The following GPM6A variants were observed in gnomAD, a reference collection of about 807,000 sequenced individuals.
GPM6A encodes glycoprotein M6A, also known as neuronal membrane glycoprotein M6-a.
Under a neutral mutation model 32.1 loss-of-function variants are expected in GPM6A, and 7 were observed. That is an observed-to-expected ratio of 0.22 (90% CI 0.12 to 0.41). The LOEUF (loss-of-function observed/expected upper bound fraction) is 0.41, where lower values mean the gene tolerates loss of function less well. Among genes scored for constraint, GPM6A ranks in the 10% least tolerant of loss-of-function variants. GPM6A has a pLI of 1.00. For synonymous variants in GPM6A, 130 were observed against 123.4 expected (o/e 1.05, Z -0.35); for missense variants, 235 against 347.2 (o/e 0.68, Z 2.57).
chr4:175,698,475 C>T (rs1377003711), intron 2 of GPM6A, among the ~76,000 whole-genome samples: 2 of 152,132 alleles, frequency 1.3e-5, no homozygotes, highest in Admixed American at 6.6e-5. Context: ...TCTTCTGTTT[C>T]CTCAGCACTT....
intron 1 of GPM6A, among the ~76,000 whole-genome samples, chr4:175,796,466 T>G (rs1409764869): frequency 6.6e-6 from 1 of 152,112 alleles, no homozygotes; most frequent in Non-Finnish European, 1.5e-5. Flanking sequence ...GATGAGAAAA[T>G]TAAGTCTCTT....
intron 3 of GPM6A, among the ~76,000 whole-genome samples, chr4:175,665,446 T>C (rs1742693763): frequency 1.3e-5 from 2 of 152,156 alleles, no homozygotes; most frequent in Admixed American, 6.5e-5. Context: ...ATTTTTTCAA[T>C]TGAAAACAAA....
At chr4:175,655,517 GT>G (rs1403097449) in intron 3 of GPM6A, among the ~76,000 whole-genome samples, 8 of 151,846 alleles carry the variant, frequency 5.3e-5, no homozygotes, top group Non-Finnish European at 1.2e-4. Context: ...TATATATTTT[GT>G]CATCTGAATG....
chr4:175,878,308 C>T (rs982726376), intron 1 of GPM6A, among the ~76,000 whole-genome samples: 1 of 152,170 alleles, frequency 6.6e-6, no homozygotes, highest in African/African-American at 2.4e-5. Context: ...GACTCCATGT[C>T]GGGGCTCTGA....
At chr4:175,730,362 C>T (rs1286158761) in intron 1 of GPM6A, among the ~76,000 whole-genome samples, 2 of 152,110 alleles carry the variant, frequency 1.3e-5, no homozygotes, top group Non-Finnish European at 2.9e-5. Flanking sequence ...CCTGCCTCAG[C>T]CTCCCGAGTA....
chr4:175,768,674 A>T (rs1733069053), intron 1 of GPM6A, among the ~76,000 whole-genome samples: 1 of 152,160 alleles, frequency 6.6e-6, no homozygotes, highest in Non-Finnish European at 1.5e-5. Context: ...AGTTTTTATT[A>T]TATAATAGGC....
At chr4:175,759,159 T>A (rs1173628638) in intron 1 of GPM6A, among the ~76,000 whole-genome samples, 1 of 152,152 alleles carries the variant, frequency 6.6e-6, no homozygotes, top group African/African-American at 2.4e-5. Context: ...CAAATCTCAC[T>A]GTTAGTGTCT....
chr4:175,644,908 A>G (rs905301370), intron 4 of GPM6A, among the ~76,000 whole-genome samples: 4 of 151,956 alleles, frequency 2.6e-5, no homozygotes, highest in Non-Finnish European at 4.4e-5. Context: ...GGAGTTCAAG[A>G]CCAGCCTGGC....
At chr4:175,713,633 C>T (rs1745673524) in intron 1 of GPM6A, among the ~76,000 whole-genome samples, 1 of 152,110 alleles carries the variant, frequency 6.6e-6, no homozygotes, top group Admixed American at 6.6e-5. Context: ...TCATTAAGAA[C>T]ACAGAGGCAT....
At chr4:175,650,639 T>C (rs188783037) in intron 4 of GPM6A, among the ~76,000 whole-genome samples, 4 of 152,292 alleles carry the variant, frequency 2.6e-5, no homozygotes, top group Non-Finnish European at 5.9e-5. Context: ...ACTAGTGTAC[T>C]GTAGTGGATC....
chr4:175,929,172 G>A (rs147797963), intron 1 of GPM6A, among the ~76,000 whole-genome samples: 18 of 152,236 alleles, frequency 1.2e-4, no homozygotes, highest in Non-Finnish European at 1.6e-4. Flanking sequence ...TAAGTTTACC[G>A]CCCTATGACA....
chr4:175,935,254 C>T (rs1464288000), intron 1 of GPM6A, among the ~76,000 whole-genome samples: 1 of 152,202 alleles, frequency 6.6e-6, no homozygotes, highest in Non-Finnish European at 1.5e-5. Flanking sequence ...CACCTTCCCA[C>T]CTCTCTACCT....
At chr4:175,650,754 G>A (rs1391188165) in intron 4 of GPM6A, among the ~76,000 whole-genome samples, 5 of 152,216 alleles carry the variant, frequency 3.3e-5, no homozygotes, top group Admixed American at 6.5e-5. Flanking sequence ...CAGTATAACT[G>A]TAAAGCCACA....
rs10541049 is a variant in GPM6A, at chr4:175,995,376, TAAAAA to T, written c.-23+6928_-23+6932del. Among the ~76,000 whole-genome samples the T allele has an allele frequency of 8.8e-3, 844 of 96,314 alleles. 10 individuals are homozygous for T. Among genetic ancestry groups the T allele is most frequent in the African/African-American group, 0.03 (791 of 26,464 alleles). The allele number at this position is 96,314 out of a possible 152,430, so 63.2% of individuals were successfully genotyped here. ...ATTGCTGCTTGATCCTTTCAATTTGTAAAAAAAAAAAAAAAAAAAAAAAGCACAGT... is the reference window on the plus strand; with the variant it reads ...ATTGCTGCTTGATCCTTTCAATTTGTAAAAAAAAAAAAAAAAAAGCACAGT... On this transcript the variant is annotated intron_variant, in intron 1 of 7. Transcript: ENST00000280187.
intron 1 of GPM6A, among the ~76,000 whole-genome samples, chr4:175,741,543 A>G (rs1845731): frequency 0.36 from 54,570 of 151,872 alleles, 9,914 homozygotes; most frequent in East Asian, 0.53. Flanking sequence ...CTCATCTTCC[A>G]TCAGGATCTT....
intron 1 of GPM6A, among the ~76,000 whole-genome samples, chr4:175,914,110 A>G (rs1348234510): frequency 2.0e-5 from 3 of 151,842 alleles, no homozygotes; most frequent in Non-Finnish European, 1.5e-5. Flanking sequence ...TCCACATTTA[A>G]GGGAGGAAAA....
intron 1 of GPM6A, among the ~76,000 whole-genome samples, chr4:175,933,405 C>A (rs1175363998): frequency 6.6e-6 from 1 of 152,110 alleles, no homozygotes. Flanking sequence ...TGAGGATGTA[C>A]AATGATACAG....
rs193292592 is a variant in GPM6A at position 175,857,983 on chromosome 4, A to G, written c.-22-45734T>C. Among the ~76,000 whole-genome samples, 999 of 150,654 alleles carry G rather than the reference A, an allele frequency of 6.6e-3. 10 individuals carry two copies. The highest frequency in any genetic ancestry group is 0.035 in the Middle Eastern group (10 of 284). On this transcript the variant is annotated intron_variant, in intron 1 of 7. Transcript: ENST00000280187. ...TTATAATAGCATCAAAAAACTTAAA[A>G]TATGTAGGGATAAATCTGAAAAAAA...
At chr4:175,893,510 C>T (rs1737707561) in intron 1 of GPM6A, among the ~76,000 whole-genome samples, 1 of 152,102 alleles carries the variant, frequency 6.6e-6, no homozygotes, top group South Asian at 2.1e-4. Flanking sequence ...GATCAGCCTC[C>T]CTCCTGGCCT....
Sources: allele counts gnomAD v4.1 joint callset (sites outside exome capture counted in the v4.1 genomes callset), GRCh38; gene constraint gnomAD v4.1.1; transcripts MANE v1.5; gene names NCBI Gene and HGNC (gene_info 2026-07-23, HGNC 2026-07-21).